The following FOCAD variants were observed in gnomAD, a reference collection of about 807,000 sequenced individuals.
FOCAD encodes the protein KIAA1797.
Under a neutral mutation model 225.6 loss-of-function variants are expected in FOCAD, and 198 were observed. The ratio of observed to expected loss-of-function variants is 0.88; its 90% confidence interval spans 0.78 to 0.99. FOCAD has a LOEUF of 0.99. FOCAD is among the 50% of genes least tolerant of loss of function. FOCAD has a pLI of 0.00. For missense variants in FOCAD, 2,713 were observed against 2,123.6 expected (o/e 1.28, Z -5.46); for synonymous variants, 897 against 755.0 (o/e 1.19, Z -3.08).
At position 20,789,441 on chromosome 9, in the gene FOCAD, G is replaced by C. The variant is rs367913356; in HGVS notation, c.1288G>C (p.Ala430Pro). The change falls in exon 11 of 44, where the codon GCT (alanine) becomes CCT (proline). Residue 430 changes from alanine (A) to proline (P), a missense_variant. Transcript: ENST00000338382. ...TCTTGAAGTAATGACAGACTCGTCT[G>C]CTGCAAGTGACTGGTTGGCTTCAGT... ...RILEVMTDSS[A>P]ASDWLASVES... is the part of the protein sequence containing the mutation. 7 of 1,613,904 alleles carry C rather than the reference G, an allele frequency of 4.3e-6. No individual in the cohort carries two copies. The highest frequency in any genetic ancestry group is 3.3e-5 in the Admixed American group (2 of 59,944).
chr9:20,676,211 G>C (rs1031933970), intron 2 of FOCAD, among the ~76,000 whole-genome samples: 3 of 152,202 alleles, frequency 2.0e-5, no homozygotes, highest in African/African-American at 7.2e-5. Context: ...TGACCCAGAA[G>C]TTCCAATGGT....
chr9:20,752,233 C>T (rs150352696), intron 5 of FOCAD, among the ~76,000 whole-genome samples: 5 of 151,906 alleles, frequency 3.3e-5, no homozygotes, highest in Non-Finnish European at 7.4e-5. Context: ...AGTCCTTGCC[C>T]ATGCCTATGT....
intron 10 of FOCAD, among the ~76,000 whole-genome samples, chr9:20,784,455 G>C (rs542443321): frequency 6.6e-6 from 1 of 152,216 alleles, no homozygotes; most frequent in African/African-American, 2.4e-5. Flanking sequence ...TGAGTAACTG[G>C]CTCAGGAAGT....
intron 11 of FOCAD, among the ~76,000 whole-genome samples, chr9:20,815,309 G>T (rs1217427106): frequency 2.3e-5 from 3 of 131,844 alleles, no homozygotes; most frequent in Non-Finnish European, 3.3e-5. Context: ...AATTTTTGTA[G>T]TTTTTTTTTT....
chr9:20,885,859 A>T (rs892207490), intron 21 of FOCAD, among the ~76,000 whole-genome samples: 1 of 152,202 alleles, frequency 6.6e-6, no homozygotes, highest in Non-Finnish European at 1.5e-5. Flanking sequence ...ATTAAAATGT[A>T]TGAATGAATA....
intron 11 of FOCAD, among the ~76,000 whole-genome samples, chr9:20,813,718 G>A (rs1300838416): frequency 1.3e-5 from 2 of 152,220 alleles, no homozygotes; most frequent in Middle Eastern, 3.4e-3. Context: ...TGGGTAGAAC[G>A]TTCTATGTGA....
At chr9:20,883,947 G>A (rs987344770) in intron 20 of FOCAD, among the ~76,000 whole-genome samples, 2 of 152,100 alleles carry the variant, frequency 1.3e-5, no homozygotes, top group Admixed American at 1.3e-4. Context: ...AAATAAGCTG[G>A]AGGTTCAGCT....
intron 5 of FOCAD, among the ~76,000 whole-genome samples, chr9:20,748,632 G>A (rs1828274701): frequency 6.6e-6 from 1 of 152,088 alleles, no homozygotes; most frequent in African/African-American, 2.4e-5. Flanking sequence ...GAGGAAGGTA[G>A]GGCAGTAATT....
intron 11 of FOCAD, among the ~76,000 whole-genome samples, chr9:20,802,082 A>G (rs767429147): frequency 6.6e-6 from 1 of 152,174 alleles, no homozygotes; most frequent in Non-Finnish European, 1.5e-5. Flanking sequence ...ATGGGTAGAC[A>G]TGGCTACAAA....
chr9:20,987,183 T>C (rs1841257074), intron 40 of FOCAD, among the ~76,000 whole-genome samples: 1 of 152,200 alleles, frequency 6.6e-6, no homozygotes, highest in Non-Finnish European at 1.5e-5. Flanking sequence ...CATCCATCTC[T>C]TGTATTGTTA....
intron 2 of FOCAD, among the ~76,000 whole-genome samples, chr9:20,715,693 G>GT (rs1299589530): frequency 4.6e-5 from 7 of 151,250 alleles, no homozygotes; most frequent in East Asian, 1.9e-4. Context: ...TGTTTGTTTG[G>GT]TTTTTTTTGG....
At chr9:20,698,054 C>T (rs1823522044) in intron 1 of FOCAD, among the ~76,000 whole-genome samples, 1 of 152,160 alleles carries the variant, frequency 6.6e-6, no homozygotes, top group Non-Finnish European at 1.5e-5. Flanking sequence ...GTGGTGAAAC[C>T]ACCTCTTTAG....
intron 35 of FOCAD, among the ~76,000 whole-genome samples, chr9:20,964,543 AT>A (rs908794552): frequency 1.3e-4 from 19 of 148,538 alleles, no homozygotes; most frequent in Admixed American, 2.7e-4. Context: ...GAGCATCAAC[AT>A]TTTTTTTTTT....
At chr9:20,982,166 A>C (rs958243002) in intron 38 of FOCAD, among the ~76,000 whole-genome samples, 191 bp from the exon 39 acceptor site, 8 of 152,044 alleles carry the variant, frequency 5.3e-5, no homozygotes, top group African/African-American at 1.9e-4. Context: ...ACAAAACAAA[A>C]CAAAAAAACA....
chr9:20,864,481 C>T (rs1305114227), intron 16 of FOCAD, among the ~76,000 whole-genome samples: 1 of 151,808 alleles, frequency 6.6e-6, no homozygotes, highest in African/African-American at 2.4e-5. Context: ...TTTCTTTTTC[C>T]TCTTTAATTT....
At chr9:20,801,221 T>A (rs1196154655) in intron 11 of FOCAD, among the ~76,000 whole-genome samples, 1 of 152,136 alleles carries the variant, frequency 6.6e-6, no homozygotes, top group Non-Finnish European at 1.5e-5. Context: ...CTAAGCTAGA[T>A]AATATAGAAT....
chr9:20,926,883 A>G (rs773080922), intron 26 of FOCAD, among the ~76,000 whole-genome samples: 1 of 151,406 alleles, frequency 6.6e-6, no homozygotes, highest in Non-Finnish European at 1.5e-5. Context: ...GGAACTTTAA[A>G]TACACACACA....
At chr9:20,746,257 A>G (rs1021829971) in intron 5 of FOCAD, among the ~76,000 whole-genome samples, 1 of 152,246 alleles carries the variant, frequency 6.6e-6, no homozygotes, top group African/African-American at 2.4e-5. Context: ...CTGCATGAAG[A>G]GTGTTTCAGA....
At chr9:20,685,115 C>T in intron 1 of FOCAD, among the ~76,000 whole-genome samples, 1 of 151,998 alleles carries the variant, frequency 6.6e-6, no homozygotes, top group East Asian at 1.9e-4. Context: ...TGGTCAGCCT[C>T]ATACCAGGTA....
Sources: gnomAD v4.1 joint callset for allele counts (sites outside exome capture counted in the v4.1 genomes callset) on GRCh38, gnomAD v4.1.1 for gene constraint, MANE v1.5 for transcripts, NCBI Gene and HGNC (gene_info 2026-07-23, HGNC 2026-07-21) for gene names.